RGS6: variants seen among roughly 807,000 people sequenced by gnomAD.
RGS6 encodes the protein regulator of G-protein signaling 6.
In RGS6, 30 loss-of-function variants were observed where a neutral mutation model predicts 78.5. That is an observed-to-expected ratio of 0.38 (90% CI 0.29 to 0.52). The LOEUF (loss-of-function observed/expected upper bound fraction) is 0.52, where lower values mean the gene tolerates loss of function less well. RGS6 is among the 20% of genes least tolerant of loss of function. RGS6 has a pLI of 0.85. For synonymous variants in RGS6, 206 were observed against 206.0 expected (o/e 1.00, Z 0.00); for missense variants, 495 against 609.7 (o/e 0.81, Z 1.98).
chr14:71,975,062 G>A (rs901753552), intron 2 of RGS6, among the ~76,000 whole-genome samples: 1 of 152,232 alleles, frequency 6.6e-6, no homozygotes, highest in African/African-American at 2.4e-5. Context: ...GTGGAGGTGG[G>A]GGAATCACTT....
chr14:71,919,039 A>G, the RGS6 span, among the ~76,000 whole-genome samples: 442 of 151,868 alleles, frequency 2.9e-3, 3 homozygotes, highest in African/African-American at 0.01. Flanking sequence ...TATATGATCT[A>G]CCCCAGTGCT....
intron 2 of RGS6, among the ~76,000 whole-genome samples, chr14:72,034,663 TGCTG>T (rs1408850988): frequency 6.6e-6 from 1 of 152,224 alleles, no homozygotes; most frequent in African/African-American, 2.4e-5. Flanking sequence ...ATCAGAGTAA[TGCTG>T]GCCTCAAAAA....
the RGS6 span, among the ~76,000 whole-genome samples, chr14:71,876,271 T>C: frequency 2.0e-5 from 3 of 152,240 alleles, no homozygotes; most frequent in South Asian, 2.1e-4. Flanking sequence ...TATTATTGTA[T>C]GGGAGCCTAA....
chr14:72,201,900 T>C (rs919875284), intron 2 of RGS6, among the ~76,000 whole-genome samples: 1 of 152,172 alleles, frequency 6.6e-6, no homozygotes, highest in African/African-American at 2.4e-5. Context: ...ATTTACTTTT[T>C]GTATCACAGG....
At chr14:72,208,452 T>G (rs996735184) in intron 2 of RGS6, among the ~76,000 whole-genome samples, 2 of 152,218 alleles carry the variant, frequency 1.3e-5, no homozygotes, top group Admixed American at 1.3e-4. Flanking sequence ...TTAGGTTTTC[T>G]GTCACTTACA....
chr14:72,210,372 C>G (rs1466082053), intron 2 of RGS6, among the ~76,000 whole-genome samples: 1 of 152,170 alleles, frequency 6.6e-6, no homozygotes, highest in Admixed American at 6.5e-5. Context: ...TTGGTCTCCA[C>G]AAGCCTTCCT....
Position 72,145,342 on chromosome 14 carries a change from G to A in RGS6, c.84+180467G>A, listed in dbSNP as rs543551015. Among the ~76,000 whole-genome samples, 3 of 152,318 alleles carry A rather than the reference G, an allele frequency of 2.0e-5. No homozygotes were observed. The East Asian group carries it at 5.8e-4, about 29-fold the overall frequency. ...GGGCTGCTAGCAATTTTGCTTCAGAGTCAAACCATGGACAGAATTCCTTCC... is the reference window on the plus strand; with the variant it reads ...GGGCTGCTAGCAATTTTGCTTCAGAATCAAACCATGGACAGAATTCCTTCC... On this transcript the variant is annotated intron_variant, in intron 2 of 17. Transcript: ENST00000553525.
intron 2 of RGS6, among the ~76,000 whole-genome samples, chr14:72,246,203 G>T (rs964092493): frequency 6.6e-6 from 1 of 152,192 alleles, no homozygotes; most frequent in African/African-American, 2.4e-5. Flanking sequence ...GCTATACTCA[G>T]CTGAGTGTCA....
intron 2 of RGS6, among the ~76,000 whole-genome samples, chr14:72,236,706 C>A (rs1480406145): frequency 6.6e-6 from 1 of 152,088 alleles, no homozygotes; most frequent in Non-Finnish European, 1.5e-5. Flanking sequence ...TCATCACTTC[C>A]CACACGGTGA....
intron 2 of RGS6, among the ~76,000 whole-genome samples, chr14:72,003,784 C>A (rs1432954037): frequency 6.6e-6 from 1 of 152,090 alleles, no homozygotes. Context: ...AAGGCCTCAC[C>A]CTACCCAGTG....
chr14:72,270,420 C>G (rs2059767049), intron 2 of RGS6, among the ~76,000 whole-genome samples: 1 of 152,250 alleles, frequency 6.6e-6, no homozygotes, highest in Non-Finnish European at 1.5e-5. Context: ...GAAAGGACAA[C>G]TGGCAAAGAC....
chr14:72,119,259 T>G (rs184315057), intron 2 of RGS6, among the ~76,000 whole-genome samples: 3 of 152,164 alleles, frequency 2.0e-5, no homozygotes, highest in African/African-American at 7.2e-5. Flanking sequence ...TTTAACACAG[T>G]TGAAGATAGC....
At chr14:72,561,200 C>T (rs1451834999) in intron 17 of RGS6, among the ~76,000 whole-genome samples, 2 of 152,190 alleles carry the variant, frequency 1.3e-5, no homozygotes, top group Non-Finnish European at 2.9e-5. Context: ...ATCTAGCTTA[C>T]ACGCAGCCAA....
intron 13 of RGS6, among the ~76,000 whole-genome samples, chr14:72,495,892 C>A (rs1260412905): frequency 6.6e-6 from 1 of 152,174 alleles, no homozygotes; most frequent in Admixed American, 6.5e-5. Context: ...GGGGAGGAAC[C>A]AAAGCCCAGA....
intron 2 of RGS6, among the ~76,000 whole-genome samples, chr14:72,040,542 C>T (rs2092304170): frequency 6.6e-6 from 1 of 151,236 alleles, no homozygotes; most frequent in African/African-American, 2.4e-5. Context: ...TTTCAAGATT[C>T]TCTCTTTGTT....
At chr14:72,048,482 G>A (rs1021058026) in intron 2 of RGS6, among the ~76,000 whole-genome samples, 5 of 152,244 alleles carry the variant, frequency 3.3e-5, no homozygotes, top group Middle Eastern at 3.4e-3. Flanking sequence ...AAATCATGAG[G>A]CAGTATGAAA....
intron 2 of RGS6, among the ~76,000 whole-genome samples, chr14:72,209,987 A>G (rs528883828): frequency 2.0e-5 from 3 of 152,214 alleles, no homozygotes; most frequent in Non-Finnish European, 2.9e-5. Context: ...TATTAGGTAG[A>G]TATTTAGAGA....
chr14:71,929,063 G>C (rs1349343451), upstream of RGS6, among the ~76,000 whole-genome samples: 11 of 152,180 alleles, frequency 7.2e-5, no homozygotes, highest in South Asian at 2.3e-3. Flanking sequence ...ATCTTCTGAG[G>C]GTAAGTTGCA....
chr14:72,055,333 T>C lies in RGS6; in HGVS notation c.84+90458T>C, dbSNP rs144089570. ...ATCAATTTTTTTTTTGCCAATTTTG[T>C]GTTTATAAATCTACTGATATACTTC... On this transcript the variant is annotated intron_variant, in intron 2 of 17. Transcript: ENST00000553525. 2.0e-5 allele frequency among the ~76,000 whole-genome samples: 3 copies of C among 152,282 alleles called. No homozygotes were observed. In the East Asian group the frequency reaches 5.8e-4, roughly 29 times the overall value.
Sources: allele counts gnomAD v4.1 joint callset (sites outside exome capture counted in the v4.1 genomes callset), GRCh38; gene constraint gnomAD v4.1.1; transcripts MANE v1.5; gene names NCBI Gene and HGNC (gene_info 2026-07-23, HGNC 2026-07-21).